The following MACROD2 variants were observed in gnomAD, a reference collection of about 807,000 sequenced individuals.
MACROD2 encodes the protein ADP-ribose glycohydrolase MACROD2.
A neutral mutation model predicts 70.4 loss-of-function variants in MACROD2; 36 were observed. That is an observed-to-expected ratio of 0.51 (90% confidence interval 0.39 to 0.68). MACROD2 has a LOEUF of 0.68. Ranked by LOEUF, MACROD2 falls within the 30% of genes least tolerant of loss-of-function variation. The pLI is 0.00. For synonymous variants in MACROD2, 172 were observed against 178.8 expected, an observed-to-expected ratio of 0.96 and a Z score of 0.30; for missense variants, 496 against 538.4, an observed-to-expected ratio of 0.92 and a Z score of 0.78.
At chr20:15,697,872 T>C (rs2050398462) in intron 8 of MACROD2, among the ~76,000 whole-genome samples, 1 of 152,252 alleles carries the variant, frequency 6.6e-6, no homozygotes, top group Non-Finnish European at 1.5e-5. Flanking sequence ...TAAGAATAGC[T>C]ACCCCTGCTT....
At chr20:14,619,727 A>T (rs1171000247) in intron 4 of MACROD2, among the ~76,000 whole-genome samples, 5 of 152,060 alleles carry the variant, frequency 3.3e-5, no homozygotes, top group Admixed American at 6.5e-5. Context: ...TATGGCTGTT[A>T]TCAATCCATA....
At position 15,705,746 on chromosome 20, in the gene MACROD2, A is replaced by G. The variant is rs539896648; in HGVS notation, c.646-156999A>G. Among the ~76,000 whole-genome samples the G allele has an allele frequency of 3.9e-4, 60 of 152,340 alleles. 1 individual carries two copies. Among genetic ancestry groups the G allele is most frequent in the African/African-American group, 1.3e-3 (53 of 41,582 alleles). Reference sequence around the variant, plus strand: ...TACAACATGTAATTTGGAAATATCAATGAAGACCAATTCAGAGAAAAATGT... The same window carrying G: ...TACAACATGTAATTTGGAAATATCAGTGAAGACCAATTCAGAGAAAAATGT... On this transcript the variant is annotated intron_variant, in intron 8 of 17. Coordinates refer to ENST00000684519, the MANE Select transcript of MACROD2 (RefSeq NM_001351661.2).
chr20:15,582,963 C>T (rs998589011), intron 8 of MACROD2, among the ~76,000 whole-genome samples: 14 of 152,100 alleles, frequency 9.2e-5, no homozygotes, highest in African/African-American at 3.4e-4. Context: ...CACCTGACTT[C>T]CCCTGCAATT....
At chr20:14,920,093 T>C (rs2074143185) in intron 5 of MACROD2, among the ~76,000 whole-genome samples, 1 of 152,180 alleles carries the variant, frequency 6.6e-6, no homozygotes, top group African/African-American at 2.4e-5. Context: ...TTCCCCTTGC[T>C]GAGATAAAGT....
chr20:15,152,935 A>C (rs2076281882), intron 5 of MACROD2, among the ~76,000 whole-genome samples: 1 of 152,112 alleles, frequency 6.6e-6, no homozygotes, highest in Non-Finnish European at 1.5e-5. Context: ...TGGTGCCAAG[A>C]TTGAAAGGAG....
At chr20:15,679,296 C>A (rs753758808) in intron 8 of MACROD2, among the ~76,000 whole-genome samples, 3 of 151,720 alleles carry the variant, frequency 2.0e-5, no homozygotes, top group Non-Finnish European at 4.4e-5. Context: ...TTCCACATGC[C>A]ACTGAGCAGG....
intron 5 of MACROD2, among the ~76,000 whole-genome samples, chr20:14,975,659 G>A (rs1271669347): frequency 1.3e-5 from 2 of 152,042 alleles, no homozygotes; most frequent in Non-Finnish European, 2.9e-5. Flanking sequence ...ATGTGTTACA[G>A]CATTCGACTC....
chr20:15,231,687 C>G (rs188126994), intron 6 of MACROD2, among the ~76,000 whole-genome samples: 261 of 152,138 alleles, frequency 1.7e-3, no homozygotes, highest in Non-Finnish European at 2.5e-3. Context: ...TCGTGTTACT[C>G]TATTTGCTAC....
intron 5 of MACROD2, among the ~76,000 whole-genome samples, chr20:14,831,942 T>C (rs2072973493): frequency 6.9e-6 from 1 of 145,470 alleles, no homozygotes; most frequent in African/African-American, 2.5e-5. Context: ...ATTCTGACTA[T>C]ATTGGGTCCC....
chr20:14,661,246 G>A (rs566402676), intron 4 of MACROD2, among the ~76,000 whole-genome samples: 294 of 152,192 alleles, frequency 1.9e-3, no homozygotes, highest in Non-Finnish European at 2.6e-3. Context: ...TAGCCATTCT[G>A]ACTGGTGTGA....
chr20:14,489,511 G>T (rs2084770426), intron 3 of MACROD2, among the ~76,000 whole-genome samples: 1 of 152,152 alleles, frequency 6.6e-6, no homozygotes, highest in Non-Finnish European at 1.5e-5. Context: ...GGGATAACAT[G>T]TTGTGAATGA....
rs183368951 is a variant in MACROD2, at chr20:15,717,264, C to T, written c.646-145481C>T. 1.3e-3 allele frequency among the ~76,000 whole-genome samples: 204 copies of T among 152,234 alleles called. 1 individual carries two copies. The highest frequency in any genetic ancestry group is 0.01 in the Middle Eastern group (3 of 294). On this transcript the variant is annotated intron_variant, in intron 8 of 17. Transcript: ENST00000684519. ...AAATGAAAACATAGGCTAAGGCCAG[C>T]AAAAAGCCATAATTGGGTGACTAAT...
intron 4 of MACROD2, among the ~76,000 whole-genome samples, chr20:14,641,240 T>G (rs1000048549): frequency 6.6e-6 from 1 of 152,186 alleles, no homozygotes; most frequent in African/African-American, 2.4e-5. Context: ...ATCACAAGAT[T>G]GCAGTGATTC....
At chr20:14,142,007 T>A (rs2054882467) in intron 3 of MACROD2, among the ~76,000 whole-genome samples, 1 of 152,154 alleles carries the variant, frequency 6.6e-6, no homozygotes, top group Admixed American at 6.5e-5. Flanking sequence ...GGTGAGGACT[T>A]AAAATATTCC....
chr20:16,008,076 T>C (rs973459234), intron 15 of MACROD2, among the ~76,000 whole-genome samples: 1 of 152,114 alleles, frequency 6.6e-6, no homozygotes, highest in African/African-American at 2.4e-5. Context: ...CCTCAAAGAT[T>C]GAGTGTTTAT....
chr20:15,211,866 A>T (rs183719932), intron 5 of MACROD2, among the ~76,000 whole-genome samples: 97 of 152,320 alleles, frequency 6.4e-4, no homozygotes, highest in Non-Finnish European at 9.9e-4. Context: ...ATGTGTTGTC[A>T]GTTCTCTTGG....
At chr20:14,098,662 G>A (rs1393936037) in intron 3 of MACROD2, among the ~76,000 whole-genome samples, 1 of 152,042 alleles carries the variant, frequency 6.6e-6, no homozygotes, top group Non-Finnish European at 1.5e-5. Flanking sequence ...TTATGTATTT[G>A]TTCAGTAAAA....
intron 8 of MACROD2, among the ~76,000 whole-genome samples, chr20:15,723,221 C>T (rs747835960): frequency 1.3e-5 from 2 of 152,298 alleles, no homozygotes; most frequent in Non-Finnish European, 2.9e-5. Context: ...AACATAGCCT[C>T]GCCCATTTGC....
At chr20:14,988,829 A>G (rs1181291327) in intron 5 of MACROD2, among the ~76,000 whole-genome samples, 3 of 152,218 alleles carry the variant, frequency 2.0e-5, no homozygotes, top group African/African-American at 7.2e-5. Context: ...TTTACATATG[A>G]GTTTTATTTT....
Sources: allele counts gnomAD v4.1 joint callset (sites outside exome capture counted in the v4.1 genomes callset), GRCh38; gene constraint gnomAD v4.1.1; transcripts MANE v1.5; gene names NCBI Gene and HGNC (gene_info 2026-07-23, HGNC 2026-07-21).